Variants in SOS1 observed in about 807,000 individuals in gnomAD.
SOS1 encodes son of sevenless homolog 1.
Under a neutral mutation model 157.6 loss-of-function variants are expected in SOS1, and 25 were observed. That is an observed-to-expected ratio of 0.16 (90% confidence interval 0.12 to 0.22). The LOEUF (loss-of-function observed/expected upper bound fraction) is 0.22, where lower values mean the gene tolerates loss of function less well. Ranked by LOEUF, SOS1 falls within the 10% of genes least tolerant of loss-of-function variation. SOS1 has a pLI of 1.00. For missense variants in SOS1, 1,237 were observed against 1,599.1 expected (o/e 0.77, Z 3.86); for synonymous variants, 528 against 534.0 (o/e 0.99, Z 0.16).
At chr2:39,095,862 C>G (rs1334090499) in intron 1 of SOS1, among the ~76,000 whole-genome samples, 1 of 152,046 alleles carries the variant, frequency 6.6e-6, no homozygotes, top group Non-Finnish European at 1.5e-5. Flanking sequence ...ATGTGCTGAC[C>G]AAAGGCAATT....
At position 38,996,971 on chromosome 2, in the gene SOS1, T is replaced by C. The variant is rs8192671; in HGVS notation, c.3032A>G (p.Asn1011Ser). 3,815 of 1,607,362 alleles carry C rather than the reference T, an allele frequency of 2.4e-3. 5 individuals are homozygous for C. Among genetic ancestry groups the C allele is most frequent in the Non-Finnish European group, 3.0e-3 (3,493 of 1,174,104 alleles). Residue 1011 changes from asparagine to serine, a missense_variant, in exon 19 of 23, where the codon AAC becomes AGC. By Grantham distance (46) the Asn-to-Ser change is conservative. Transcript: ENST00000402219. ...TCGTGGTTCTATTTCTAGGGATTTG[T>C]TGAAAAGATAATCTGTAAATTCCTT... The part of the protein sequence containing the change: ...MEKEFTDYLF[N>S]KSLEIEPRNP...
At chr2:39,109,267 A>ATACAAGG (rs1182462682) in intron 1 of SOS1, among the ~76,000 whole-genome samples, 1 of 152,230 alleles carries the variant, frequency 6.6e-6, no homozygotes, top group African/African-American at 2.4e-5. Flanking sequence ...AAACATAAGC[A>ATACAAGG]TACAAGGACA....
intron 1 of SOS1, among the ~76,000 whole-genome samples, chr2:39,102,036 T>C (rs1450594089): frequency 6.7e-6 from 1 of 149,922 alleles, no homozygotes; most frequent in East Asian, 2.0e-4. Flanking sequence ...AGAAACCCCA[T>C]CTCTACTAAA....
chr2:39,032,654 G>A (rs1268152288), intron 8 of SOS1, among the ~76,000 whole-genome samples: 1 of 152,120 alleles, frequency 6.6e-6, no homozygotes, highest in East Asian at 1.9e-4. Context: ...CTAAAGAGAT[G>A]TATGTAAAGA....
intron 17 of SOS1, among the ~76,000 whole-genome samples, chr2:39,004,084 G>A (rs530765095): frequency 2.0e-5 from 3 of 152,202 alleles, no homozygotes; most frequent in African/African-American, 7.2e-5. Context: ...ACTGTGGCAG[G>A]GGTATAGGAA....
At chr2:39,121,615 C>T (rs542436381), upstream of SOS1, among the ~76,000 whole-genome samples, 1 of 152,338 alleles carries the variant, frequency 6.6e-6, no homozygotes, top group Non-Finnish European at 1.5e-5. Context: ...TAAGCACTTT[C>T]CTCCAGTGGA....
intron 17 of SOS1, among the ~76,000 whole-genome samples, chr2:38,999,936 G>C (rs1255808968): frequency 6.6e-6 from 1 of 152,198 alleles, no homozygotes; most frequent in African/African-American, 2.4e-5. Context: ...AGCCAGGTGG[G>C]TTGGAAGGAG....
intron 1 of SOS1, among the ~76,000 whole-genome samples, chr2:39,104,359 C>T (rs1023238349): frequency 1.3e-5 from 2 of 151,934 alleles, no homozygotes; most frequent in Admixed American, 6.6e-5. Flanking sequence ...ATACAAATGG[C>T]CAATAAGCAC....
rs572160321 is a variant in SOS1, at chr2:39,071,865, T to A, written c.88-4112A>T. 2.6e-5 allele frequency among the ~76,000 whole-genome samples: 4 copies of A among 151,886 alleles called. No individual in the cohort carries two copies. The South Asian group carries it at 8.3e-4, about 32-fold the overall frequency. On this transcript the variant is annotated intron_variant, in intron 1 of 22. Transcript: ENST00000402219. Reference sequence around the variant, plus strand: ...GCAGTTTCGCTCACACTGTTCCCCATGCCTGTCATTCATTCTCTCAAGTTT... The same window carrying A: ...GCAGTTTCGCTCACACTGTTCCCCAAGCCTGTCATTCATTCTCTCAAGTTT...
chr2:39,103,581 A>T (rs1270126541), intron 1 of SOS1, among the ~76,000 whole-genome samples: 1 of 152,224 alleles, frequency 6.6e-6, no homozygotes, highest in African/African-American at 2.4e-5. Context: ...GGACAACTGG[A>T]TTTCCACAAG....
chr2:39,036,508 G>C (rs1478944228), intron 6 of SOS1, among the ~76,000 whole-genome samples: 1 of 152,064 alleles, frequency 6.6e-6, no homozygotes, highest in Non-Finnish European at 1.5e-5. Flanking sequence ...ACACCACCGC[G>C]CCTGGTTACA....
At chr2:39,030,501 T>TGTTTGAGC (rs1427532321) in intron 8 of SOS1, among the ~76,000 whole-genome samples, 1 of 151,902 alleles carries the variant, frequency 6.6e-6, no homozygotes, top group Admixed American at 6.6e-5. Context: ...GCCCATGAGT[T>TGTTTGAGC]CCAGACTGTA....
chr2:39,121,613 T>G (rs1211881176), upstream of SOS1, among the ~76,000 whole-genome samples: 1 of 152,226 alleles, frequency 6.6e-6, no homozygotes, highest in Non-Finnish European at 1.5e-5. Flanking sequence ...AGTAAGCACT[T>G]TCCTCCAGTG....
At chr2:39,045,015 T>C (rs1319793670) in intron 6 of SOS1, among the ~76,000 whole-genome samples, 1 of 152,214 alleles carries the variant, frequency 6.6e-6, no homozygotes, top group African/African-American at 2.4e-5. Context: ...ATATTACTTC[T>C]ATCTAATATA....
At chr2:39,043,967 T>G (rs1183693087) in intron 6 of SOS1, among the ~76,000 whole-genome samples, 1 of 152,250 alleles carries the variant, frequency 6.6e-6, no homozygotes, top group Non-Finnish European at 1.5e-5. Context: ...TAATGTTTTT[T>G]AACTTAGGAC....
rs906698708 is a variant in SOS1, at chr2:39,033,922, T to TA, written c.1074+1289dup. Among the ~76,000 whole-genome samples the TA allele has an allele frequency of 2.6e-3, 380 of 144,156 alleles. 2 individuals are homozygous for TA. Among genetic ancestry groups the TA allele is most frequent in the South Asian group, 4.4e-3 (20 of 4,596 alleles). 94.6% of individuals were successfully genotyped at this position (144,156 alleles called of 152,430 possible). Reference sequence around the variant, plus strand: ...TCTGAATTTCATTACAGGCTCAGGTTAAAAAAAAAAAAATCCCGTTATTAG... The same window carrying TA: ...TCTGAATTTCATTACAGGCTCAGGTTAAAAAAAAAAAAAATCCCGTTATTAG... On this transcript the variant is annotated intron_variant, in intron 8 of 22. Coordinates refer to ENST00000402219, the MANE Select transcript of SOS1 (RefSeq NM_005633.4).
intron 1 of SOS1, among the ~76,000 whole-genome samples, chr2:39,119,855 G>A (rs945295491): frequency 2.0e-5 from 3 of 152,166 alleles, no homozygotes; most frequent in African/African-American, 7.2e-5. Flanking sequence ...TACTGACGGC[G>A]AGCAGAGCAG....
At chr2:39,001,435 G>A (rs1669095935) in intron 17 of SOS1, among the ~76,000 whole-genome samples, 1 of 152,182 alleles carries the variant, frequency 6.6e-6, no homozygotes, top group Non-Finnish European at 1.5e-5. Context: ...GAGAAAAACT[G>A]TGTTATAGAC....
chr2:39,010,795 T>C, intron 14 of SOS1, 92 bp from the exon 15 acceptor site: 1 of 1,047,256 alleles, frequency 9.5e-7, no homozygotes, highest in Non-Finnish European at 1.5e-6. Flanking sequence ...AAAACTAAAC[T>C]CTCATATGAA....
Sources: allele counts gnomAD v4.1 joint callset (sites outside exome capture counted in the v4.1 genomes callset), GRCh38; gene constraint gnomAD v4.1.1; transcripts MANE v1.5; gene names NCBI Gene and HGNC (gene_info 2026-07-23, HGNC 2026-07-21).